Variants in NFRKB observed in about 807,000 individuals in gnomAD.
NFRKB encodes nuclear factor related to kappaB binding protein, also known as nuclear factor related to kappa-B-binding protein.
NFRKB carries 62 observed loss-of-function variants against 135.7 expected under a neutral mutation model. That is an observed-to-expected ratio of 0.46 (90% confidence interval 0.37 to 0.56). NFRKB has a LOEUF of 0.56. Among genes scored for constraint, NFRKB ranks in the 20% least tolerant of loss-of-function variants. NFRKB has a pLI of 0.00. For synonymous variants in NFRKB, 678 were observed against 635.6 expected, an observed-to-expected ratio of 1.07 and a Z score of -1.00; for missense variants, 1,545 against 1,662.0, an observed-to-expected ratio of 0.93 and a Z score of 1.22.
chr11:129,874,256 G>T lies in NFRKB; in HGVS notation c.2136C>A (p.Asp712Glu), dbSNP rs1257055994. 2.0e-6 allele frequency: 3 copies of T among 1,517,728 alleles called. No individual in the cohort carries two copies. In the African/African-American group the frequency reaches 4.2e-5, roughly 21 times the overall value. 94.0% of individuals were successfully genotyped at this position (1,517,728 alleles called of 1,614,324 possible). A position where few individuals can be genotyped will look rare whatever the true frequency, so the allele number is the denominator to read the frequency against. Residue 712 changes from aspartate (D) to glutamate (E), a missense_variant, in exon 21 of 27, where the codon GAC (aspartate) becomes GAA (glutamate). Physicochemically the swap from Asp to Glu is conservative, Grantham distance 45. Coordinates refer to ENST00000682444, the MANE Select transcript of NFRKB (RefSeq NM_001143835.2). The surrounding 1 kb of genome is among the most constrained non-coding windows in gnomAD (Gnocchi z 4.5). ...PSEQSQMSLS[D>E]SSMPPTPVTP... is the part of the protein sequence containing the mutation. ...TGACTGGGGTGGGTGGCATACTGGA[G>T]TCACTGAGGCTCATCTGGCTCTGCT...
In NFRKB at chr11:129,872,966, G is replaced by A. The variant is rs746347631; in HGVS notation, c.2681C>T (p.Thr894Met). The A allele has an allele frequency of 1.2e-5, 20 of 1,614,058 alleles. No individual in the cohort carries two copies. The highest frequency in any genetic ancestry group is 1.5e-5 in the Non-Finnish European group (18 of 1,180,006). ...ATASPVSKPATSSPGTSAPSA... is the reference protein window; with the variant it reads ...ATASPVSKPAMSSPGTSAPSA... Reference sequence around the variant, plus strand: ...GGGAGCAGAGGTCCCAGGAGAACTCGTGGCTGGCTTACTCACAGGGCTGGC... The same window carrying A: ...GGGAGCAGAGGTCCCAGGAGAACTCATGGCTGGCTTACTCACAGGGCTGGC... Residue 894 changes from threonine to methionine, a missense_variant, in exon 23 of 27, where the codon ACG (threonine) becomes ATG (methionine). By Grantham distance (81) the Thr-to-Met change is moderately conservative (BLOSUM62 -1). Around this residue, in one of 3 missense-constraint regions of NFRKB, gnomAD observed 753 missense variants for 804.3 expected, o/e 0.94. Transcript: ENST00000682444.
Position 129,875,295 on chromosome 11 carries a change from C to T in NFRKB, c.1854+62G>A, listed in dbSNP as rs1333462749. On this transcript the variant is annotated intron_variant, in intron 18 of 26. Coordinates refer to ENST00000682444, the MANE Select transcript of NFRKB (RefSeq NM_001143835.2). ...AAAAATTTTGTTATATTTTGTATTT[C>T]CTGATAAGTTTTCTTAAATCCATTC... The T allele has an allele frequency of 3.8e-6, 5 of 1,316,822 alleles. No individual in the cohort carries two copies. In the South Asian group the frequency reaches 6.6e-5, roughly 17 times the overall value. The allele number at this position is 1,316,822 out of a possible 1,614,324, so 81.6% of individuals were successfully genotyped here.
chr11:129,892,597 G>T, intron 3 of NFRKB, 118 bp downstream of exon 3: 1 of 1,063,482 alleles, frequency 9.4e-7, no homozygotes, highest in Non-Finnish European at 1.4e-6. Flanking sequence ...TGCCTGCAAT[G>T]TAGAAAATGA....
chr11:129,884,720 G>C (rs946449219), intron 7 of NFRKB, 25 bp downstream of exon 7: 1 of 1,612,424 alleles, frequency 6.2e-7, no homozygotes, highest in African/African-American at 1.3e-5. Context: ...TCCCAGAATG[G>C]TGACAGCGGC....
chr11:129,890,413 T>C (rs921067124), intron 3 of NFRKB, among the ~76,000 whole-genome samples: 1 of 152,182 alleles, frequency 6.6e-6, no homozygotes, highest in Non-Finnish European at 1.5e-5. Flanking sequence ...TGAAAGAGTA[T>C]GCCAAGAAAA....
intron 3 of NFRKB, among the ~76,000 whole-genome samples, chr11:129,889,951 C>CGTGTGTGTGTGTGTGTGTGTGTGTGTGT (rs56216860): frequency 6.6e-5 from 9 of 135,352 alleles, no homozygotes; most frequent in African/African-American, 2.5e-4. Context: ...TATTGTCTTA[C>CGTGTGTGTGTGTGTGTGTGTGTGTGTGT]GTGTGTGTGT....
chr11:129,894,108 A>C (rs1027461956), intron 2 of NFRKB: 3 of 152,208 alleles, frequency 2.0e-5, no homozygotes, highest in Admixed American at 2.0e-4. Context: ...TACATACCAC[A>C]ACATTTTCAG....
At position 129,874,235 on chromosome 11, in the gene NFRKB, T is replaced by C; in HGVS notation, c.2157A>G (p.Pro719=). The change falls in exon 21 of 27, where the codon CCA becomes CCG. Residue 719 remains proline (P), a synonymous_variant. Coordinates refer to ENST00000682444, the MANE Select transcript of NFRKB (RefSeq NM_001143835.2). The surrounding 1 kb of genome is among the most constrained non-coding windows in gnomAD (Gnocchi z 4.5). ...GTGTGGTGGGGGTTACAGGTGTGAC[T>C]GGGGTGGGTGGCATACTGGAGTCAC... The part of the protein sequence containing the change: ...SLSDSSMPPT[P]VTPVTPTTPA... The C allele has an allele frequency of 3.3e-6, 5 of 1,517,956 alleles. No homozygotes were observed. Among genetic ancestry groups the C allele is most frequent in the Non-Finnish European group, 4.4e-6 (5 of 1,135,512 alleles). 94.0% of individuals were successfully genotyped at this position (1,517,956 alleles called of 1,614,324 possible).
intron 11 of NFRKB, 69 bp downstream of exon 11, chr11:129,882,017 C>T: frequency 6.8e-7 from 1 of 1,477,796 alleles, no homozygotes; most frequent in Non-Finnish European, 9.1e-7. Flanking sequence ...ACTTCTCAAG[C>T]TATAGACCAT....
chr11:129,874,991 A>C lies in NFRKB; in HGVS notation c.1855-75T>G. On this transcript the variant is annotated intron_variant, in intron 18 of 26. Coordinates refer to ENST00000682444, the MANE Select transcript of NFRKB (RefSeq NM_001143835.2). The surrounding 1 kb of genome is among the most constrained non-coding windows in gnomAD (Gnocchi z 4.5). ...GAAGTTATTTGAACTCTAGGAAAAA[A>C]ATGTCATTGTATCTAAATCACAGCT... 1 of 1,576,166 alleles carries C rather than the reference A, an allele frequency of 6.3e-7. No homozygotes were observed. Among genetic ancestry groups the C allele is most frequent in the African/African-American group, 1.3e-5 (1 of 74,232 alleles).
chr11:129,878,964 T>C (rs1466725831), intron 13 of NFRKB, among the ~76,000 whole-genome samples: 3 of 152,240 alleles, frequency 2.0e-5, no homozygotes, highest in Non-Finnish European at 4.4e-5. Flanking sequence ...GAAAGGCTTC[T>C]GGCTAGTGGG....
chr11:129,891,380 G>A (rs1446576141), intron 3 of NFRKB, among the ~76,000 whole-genome samples: 14 of 152,228 alleles, frequency 9.2e-5, no homozygotes, highest in Admixed American at 5.2e-4. Flanking sequence ...GATAAAGACC[G>A]CCAGAAAAAC....
intron 13 of NFRKB, 68 bp downstream of exon 13, chr11:129,881,375 G>T: frequency 1.3e-6 from 2 of 1,484,512 alleles, no homozygotes; most frequent in Non-Finnish European, 9.4e-7. Flanking sequence ...TGACTGGAAG[G>T]CAAATAAACT....
chr11:129,882,059 T>C, intron 11 of NFRKB, 27 bp downstream of exon 11: 1 of 1,568,200 alleles, frequency 6.4e-7, no homozygotes, highest in Non-Finnish European at 8.6e-7. Flanking sequence ...AACTCTAATG[T>C]ACCTCCAACT....
intron 18 of NFRKB, 33 bp downstream of exon 18, chr11:129,875,324 A>G: frequency 6.5e-7 from 1 of 1,530,922 alleles, no homozygotes; most frequent in Non-Finnish European, 9.0e-7. Flanking sequence ...TCCATTCTGG[A>G]ACAAAGCAAA....
In NFRKB at chr11:129,873,911, C is replaced by T. The variant is rs1026931538; in HGVS notation, c.2384G>A (p.Ser795Asn). ...AGACAGTCCAGCAGAGCCAGAGTGGCTCACGACCCGGGCGGCAGCCTGAGA... is the reference window on the plus strand; with the variant it reads ...AGACAGTCCAGCAGAGCCAGAGTGGTTCACGACCCGGGCGGCAGCCTGAGA... ...PSSQAAARVV[S>N]HSGSAGLSQV... Residue 795 changes from serine (S) to asparagine (N), a missense_variant, in exon 22 of 27, where the codon AGC (serine) becomes AAC (asparagine). Around this residue, in one of 3 missense-constraint regions of NFRKB, gnomAD observed 753 missense variants for 804.3 expected, o/e 0.94. Transcript: ENST00000682444. 3.7e-6 allele frequency: 6 copies of T among 1,613,742 alleles called. No individual in the cohort carries two copies. In the African/African-American group the frequency reaches 8.0e-5, roughly 22 times the overall value.
chr11:129,878,339 C>G lies in NFRKB; in HGVS notation c.1481G>C (p.Ser494Thr), dbSNP rs1948869767. ...QAFCKQENED[S>T]SDATTPVPRV... The stretch of plus-strand genomic sequence containing the variant: ...AGGGACAGGTGTTGTGGCATCTGAG[C>G]TGTCTTCATTTTCTTGCTGGAGAAA... The change falls in exon 15 of 27, where the codon AGC becomes ACC. Residue 494 changes from serine to threonine, a missense_variant. Around this residue, in one of 3 missense-constraint regions of NFRKB, gnomAD observed 678 missense variants for 646.7 expected, o/e 1.05. Coordinates refer to ENST00000682444, the MANE Select transcript of NFRKB (RefSeq NM_001143835.2). 1 of 1,614,196 alleles carries G rather than the reference C, an allele frequency of 6.2e-7. No homozygotes were observed. Among genetic ancestry groups the G allele is most frequent in the Admixed American group, 1.7e-5 (1 of 60,018 alleles).
At position 129,874,204 on chromosome 11, in the gene NFRKB, A is replaced by G. The variant is rs1156911697; in HGVS notation, c.2188T>C (p.Leu730=). 1.3e-6 allele frequency: 2 copies of G among 1,520,844 alleles called. No individual in the cohort carries two copies. The highest frequency in any genetic ancestry group is 8.8e-7 in the Non-Finnish European group (1 of 1,136,772). 94.2% of individuals were successfully genotyped at this position (1,520,844 alleles called of 1,614,324 possible). A position where few individuals can be genotyped will look rare whatever the true frequency, so the allele number is the denominator to read the frequency against. The change falls in exon 21 of 27, where the codon TTG becomes CTG. Residue 730 remains leucine, a synonymous_variant. Transcript: ENST00000682444. This position sits in a 1 kb window ranked among gnomAD's most constrained non-coding sequence, Gnocchi z 4.5. ...GGAGGGGAGATGGGAATGGCGGGCAATGCTGGTGTGGTGGGGGTTACAGGT... is the reference window on the plus strand; with the variant it reads ...GGAGGGGAGATGGGAATGGCGGGCAGTGCTGGTGTGGTGGGGGTTACAGGT... The part of the protein sequence containing the change: ...VTPVTPTTPA[L]PAIPISPPPV...
In NFRKB at chr11:129,888,697, A is replaced by G. The variant is rs773442863; in HGVS notation, c.234T>C (p.Pro78=). 1 of 1,614,240 alleles carries G rather than the reference A, an allele frequency of 6.2e-7. No individual in the cohort carries two copies. The highest frequency in any genetic ancestry group is 8.5e-7 in the Non-Finnish European group (1 of 1,180,036). Residue 78 remains proline (P), a synonymous_variant, in exon 4 of 27, where the codon CCT becomes CCC. Transcript: ENST00000682444. Reference sequence around the variant, plus strand: ...CATTCTGCTGCTCAGCACTGTCTTCAGGAAACTGGGGCAGAAACTGCTGGA... The same window carrying G: ...CATTCTGCTGCTCAGCACTGTCTTCGGGAAACTGGGGCAGAAACTGCTGGA... ...EHLQQFLPQF[P]EDSAEQQNEL...
Sources: gnomAD v4.1 joint callset for allele counts (sites outside exome capture counted in the v4.1 genomes callset) on GRCh38, gnomAD v4.1.1 for gene constraint, gnomAD v4.1.1 regional missense constraint, Gnocchi (gnomAD v3.1) non-coding constraint, MANE v1.5 for transcripts, NCBI Gene and HGNC (gene_info 2026-07-23, HGNC 2026-07-21) for gene names.